PRKAG1: variants seen among roughly 807,000 people sequenced by gnomAD.
PRKAG1 encodes protein kinase AMP-activated non-catalytic subunit gamma 1.
In PRKAG1, 27 loss-of-function variants were observed where a neutral mutation model predicts 48.2. That is an observed-to-expected ratio of 0.56 (90% CI 0.41 to 0.77). PRKAG1 has a LOEUF of 0.77. Among genes scored for constraint, PRKAG1 ranks in the 30% least tolerant of loss-of-function variants. The pLI, the probability that PRKAG1 is intolerant of heterozygous loss-of-function variation, is 0.00. For missense variants in PRKAG1, 287 were observed against 398.3 expected (o/e 0.72, Z 2.38); for synonymous variants, 130 against 147.7 (o/e 0.88, Z 0.87).
At chr12:49,015,338 CAG>C (rs1941923667) in intron 1 of PRKAG1, among the ~76,000 whole-genome samples, 1 of 152,214 alleles carries the variant, frequency 6.6e-6, no homozygotes, top group African/African-American at 2.4e-5. Flanking sequence ...TCTATCCAAA[CAG>C]ATTATAAATT....
intron 7 of PRKAG1, 151 bp downstream of exon 7, chr12:49,004,813 C>CTCTGTGTG (rs34375562): frequency 1.5e-6 from 1 of 666,574 alleles, no homozygotes; most frequent in African/African-American, 2.1e-5. Flanking sequence ...GAGAGAGAGA[C>CTCTGTGTG]TGTGTGTGTG....
At chr12:49,010,072 A>G in intron 2 of PRKAG1, among the ~76,000 whole-genome samples, 1 of 151,496 alleles carries the variant, frequency 6.6e-6, no homozygotes, top group South Asian at 2.1e-4. Context: ...TGGGAGAGGC[A>G]GTTTGCTTTT....
At chr12:49,009,190 C>T (rs1308684670) in intron 2 of PRKAG1, 3 of 149,992 alleles carry the variant, frequency 2.0e-5, no homozygotes, top group Non-Finnish European at 4.4e-5. Context: ...ATGGCGAGAT[C>T]ATGGCTCACC....
At chr12:49,017,955 T>C (rs1942061369) in intron 1 of PRKAG1, 1 of 151,888 alleles carries the variant, frequency 6.6e-6, no homozygotes, top group Non-Finnish European at 1.5e-5. Flanking sequence ...TTAAAAACTG[T>C]GGAGAGGGAA....
intron 2 of PRKAG1, among the ~76,000 whole-genome samples, chr12:49,008,849 G>T (rs915662607): frequency 1.3e-5 from 2 of 152,128 alleles, no homozygotes; most frequent in Non-Finnish European, 2.9e-5. Context: ...AAACTCATAG[G>T]ATCTCTGTTT....
At chr12:49,004,852 T>TGC (rs2092774988) in intron 7 of PRKAG1, 112 bp downstream of exon 7, 3 of 1,127,264 alleles carry the variant, frequency 2.7e-6, no homozygotes, top group Admixed American at 3.4e-5. Context: ...TGTGTGTGTG[T>TGC]GTGTGTGTGT....
Position 49,005,736 on chromosome 12 carries a change from C to T in PRKAG1, c.168+7G>A. On this transcript the variant is annotated splice_region_variant and intron_variant, in intron 3 of 11. Coordinates refer to ENST00000548065, the MANE Select transcript of PRKAG1 (RefSeq NM_002733.5). This position sits in a 1 kb window ranked among gnomAD's most constrained non-coding sequence, Gnocchi z 4.1. ...AAAGGGGGAAGGGAAAAGAGGATTT[C>T]ACCCACCTGCAGGGACGTATCAAAT... The T allele has an allele frequency of 6.2e-7, 1 of 1,612,286 alleles. No homozygotes were observed. Among genetic ancestry groups the T allele is most frequent in the Non-Finnish European group, 8.5e-7 (1 of 1,178,446 alleles).
In PRKAG1 at chr12:49,012,898, C is replaced by T. The variant is rs1941815450; in HGVS notation, c.58+164G>A. The T allele has an allele frequency of 6.2e-6, 4 of 647,742 alleles. No homozygotes were observed. In the East Asian group the frequency reaches 1.1e-4, roughly 18 times the overall value. The allele number at this position is 647,742 out of a possible 1,614,324, so 40.1% of individuals were successfully genotyped here. ...ATCCCCACTCTGCCCAAGATTTATTCCTGGGTGATCTTGCCAAACTACTGT... is the reference window on the plus strand; with the variant it reads ...ATCCCCACTCTGCCCAAGATTTATTTCTGGGTGATCTTGCCAAACTACTGT... On this transcript the variant is annotated intron_variant, in intron 2 of 11. Transcript: ENST00000548065.
At chr12:49,003,515 C>G (rs200023236) in intron 10 of PRKAG1, 43 bp downstream of exon 10, 5 of 1,599,576 alleles carry the variant, frequency 3.1e-6, no homozygotes, top group East Asian at 4.5e-5. Flanking sequence ...AGTGCCCCCC[C>G]CCCACCACTT....
rs200288641 is a variant in PRKAG1 at position 49,005,287 on chromosome 12, T to C, written c.309+19A>G. The C allele has an allele frequency of 1.3e-5, 21 of 1,613,852 alleles. No individual in the cohort carries two copies. The highest frequency in any genetic ancestry group is 2.2e-5 in the South Asian group (2 of 90,984). On this transcript the variant is annotated intron_variant, in intron 5 of 11. Coordinates refer to ENST00000548065, the MANE Select transcript of PRKAG1 (RefSeq NM_002733.5). The surrounding 1 kb of genome is among the most constrained non-coding windows in gnomAD (Gnocchi z 4.1). Reference sequence around the variant, plus strand: ...AGGGCAGGGAAAGTGATTTTGGTCATTGGGTTAAGGTTCCTTACCAAGGCT... The same window carrying C: ...AGGGCAGGGAAAGTGATTTTGGTCACTGGGTTAAGGTTCCTTACCAAGGCT...
At chr12:49,010,246 G>A (rs573197090) in intron 2 of PRKAG1, among the ~76,000 whole-genome samples, 1 of 152,286 alleles carries the variant, frequency 6.6e-6, no homozygotes, top group South Asian at 2.1e-4. Context: ...CATAACTTAA[G>A]AGTGGAGGCT....
intron 1 of PRKAG1, 138 bp from the exon 2 acceptor site, chr12:49,013,248 T>C (rs1175805034): frequency 2.8e-6 from 2 of 719,400 alleles, no homozygotes; most frequent in Non-Finnish European, 4.6e-6. Context: ...AAACCCTTTT[T>C]TTTTTGTTTT....
chr12:49,003,337 C>G, intron 10 of PRKAG1, 47 bp from the exon 11 acceptor site: 1 of 1,611,522 alleles, frequency 6.2e-7, no homozygotes, highest in South Asian at 1.1e-5. Flanking sequence ...GAGAGCCAGC[C>G]TCCAAACCCT....
Position 49,005,786 on chromosome 12 carries a change from A to G in PRKAG1, c.125T>C (p.Ile42Thr). 6.2e-7 allele frequency: 1 copy of G among 1,614,152 alleles called. No homozygotes were observed. Among genetic ancestry groups the G allele is most frequent in the Non-Finnish European group, 8.5e-7 (1 of 1,180,004 alleles). ...FMKSHRCYDLIPTSSKLVVFD... is the reference protein window; with the variant it reads ...FMKSHRCYDLTPTSSKLVVFD... ...TACAACCAATTTGGAGCTTGTGGGA[A>G]TCAGGTCATAGCAGCGATGAGACTT... is the stretch of plus-strand genomic sequence containing the variant. Residue 42 changes from isoleucine to threonine, a missense_variant, in exon 3 of 12, where the codon ATT becomes ACT. Physicochemically the swap from Ile to Thr is moderately conservative, Grantham distance 89. This residue lies in a region of PRKAG1 where 63 missense variants were observed against 54.0 expected (regional missense o/e 1.17). Coordinates refer to ENST00000548065, the MANE Select transcript of PRKAG1 (RefSeq NM_002733.5). The surrounding 1 kb of genome is among the most constrained non-coding windows in gnomAD (Gnocchi z 4.1).
At chr12:49,018,379 A>T in intron 1 of PRKAG1, 5 of 1,065,252 alleles carry the variant, frequency 4.7e-6, no homozygotes, top group Non-Finnish European at 5.9e-6. Context: ...CACCCAGCAA[A>T]GCCGGCTCAC....
chr12:49,018,555 G>A, intron 1 of PRKAG1, 177 bp downstream of exon 1: 3 of 1,475,296 alleles, frequency 2.0e-6, no homozygotes, highest in Non-Finnish European at 2.7e-6. Context: ...CCCAGTTCCA[G>A]GAGATGCGCC....
At chr12:49,010,846 AC>A (rs1176390734) in intron 2 of PRKAG1, among the ~76,000 whole-genome samples, 16 of 143,452 alleles carry the variant, frequency 1.1e-4, no homozygotes, top group African/African-American at 2.3e-4. Context: ...TCAATGTACC[AC>A]CTTTTTTTTT....
Position 49,002,616 on chromosome 12 carries a change from C to T in PRKAG1, c.*283G>A. On this transcript the variant is annotated 3_prime_UTR_variant, in exon 12 of 12. Transcript: ENST00000548065. ...GAGATCAGAATTTGTCTGAGAGGCA[C>T]AGAGCCTATAGTTCACCCAGAAAGG... is the stretch of plus-strand genomic sequence containing the variant. The T allele has an allele frequency of 2.0e-6, 1 of 494,088 alleles. No individual in the cohort carries two copies. Among genetic ancestry groups the T allele is most frequent in the Non-Finnish European group, 3.7e-6 (1 of 269,342 alleles). 30.6% of individuals were successfully genotyped at this position (494,088 alleles called of 1,614,324 possible). A position where few individuals can be genotyped will look rare whatever the true frequency, so the allele number is the denominator to read the frequency against.
chr12:49,002,493 T>C lies in PRKAG1; in HGVS notation c.*406A>G, dbSNP rs1941329727. 1 of 335,622 alleles carries C rather than the reference T, an allele frequency of 3.0e-6. No individual in the cohort carries two copies. Among genetic ancestry groups the C allele is most frequent in the Non-Finnish European group, 5.9e-6 (1 of 170,874 alleles). 20.8% of individuals were successfully genotyped at this position (335,622 alleles called of 1,614,324 possible). ...CTCCATATAGCACGGAACAGGTGAA[T>C]AAAAATATCTTTATGAAGAATTTTG... On this transcript the variant is annotated 3_prime_UTR_variant, in exon 12 of 12. Coordinates refer to ENST00000548065, the MANE Select transcript of PRKAG1 (RefSeq NM_002733.5).
Sources: allele counts gnomAD v4.1 joint callset (sites outside exome capture counted in the v4.1 genomes callset), GRCh38; gene constraint gnomAD v4.1.1; regional missense constraint gnomAD v4.1.1; non-coding constraint Gnocchi (gnomAD v3.1); transcripts MANE v1.5; gene names NCBI Gene and HGNC (gene_info 2026-07-23, HGNC 2026-07-21).